Variants in BTBD7 observed in about 807,000 individuals in gnomAD.
BTBD7 encodes the protein BTB domain containing 7, also known as BTB/POZ domain-containing protein 7.
Under a neutral mutation model 99.9 loss-of-function variants are expected in BTBD7, and 38 were observed. That is an observed-to-expected ratio of 0.38 (90% CI 0.29 to 0.50). The LOEUF is 0.50. Among genes scored for constraint, BTBD7 ranks in the 20% least tolerant of loss-of-function variants. The pLI is 0.93. For missense variants in BTBD7, 1,170 were observed against 1,394.6 expected, an observed-to-expected ratio of 0.84 and a Z score of 2.57; for synonymous variants, 520 against 511.4, an observed-to-expected ratio of 1.02 and a Z score of -0.23.
rs779010491 is a variant in BTBD7, at chr14:93,293,934, T to C, written c.1086A>G (p.Pro362=). 6.2e-7 allele frequency: 1 copy of C among 1,613,764 alleles called. No homozygotes were observed. The highest frequency in any genetic ancestry group is 8.5e-7 in the Non-Finnish European group (1 of 1,179,862). ...SEVQALVAGK[P]NMTRAEEAME... is the part of the protein sequence containing the mutation. ...TGGCTTCTTCTGCCCTGGTCATGTTTGGCTTCCCTGCGACGAGAGCCTGAA... is the reference window on the plus strand; with the variant it reads ...TGGCTTCTTCTGCCCTGGTCATGTTCGGCTTCCCTGCGACGAGAGCCTGAA... Residue 362 remains proline (P), a synonymous_variant, in exon 3 of 11, where the codon CCA becomes CCG. Transcript: ENST00000334746.
intron 1 of BTBD7, among the ~76,000 whole-genome samples, chr14:93,326,144 A>C (rs188015721): frequency 1.3e-3 from 195 of 152,288 alleles, no homozygotes; most frequent in African/African-American, 4.3e-3. Context: ...ATAAATCTGG[A>C]ATCAGCAGAC....
In BTBD7 at chr14:93,238,541, G is replaced by T. The variant is rs1262505791; in HGVS notation, c.*3732C>A. On this transcript the variant is annotated 3_prime_UTR_variant, in exon 11 of 11. Coordinates refer to ENST00000334746, the MANE Select transcript of BTBD7 (RefSeq NM_001002860.4). The stretch of plus-strand genomic sequence containing the variant: ...GAAAGCTGAAAGTCAACCGAACAAT[G>T]AAAAAAAGTCAAAGAAGCATTTCCC... 1 of 152,358 alleles carries T rather than the reference G, an allele frequency of 6.6e-6. No individual in the cohort carries two copies. Among genetic ancestry groups the T allele is most frequent in the African/African-American group, 2.4e-5 (1 of 41,398 alleles). The allele number at this position is 152,358 out of a possible 1,614,324, so 9.4% of individuals were successfully genotyped here.
chr14:93,249,600 T>C (rs927275717), intron 8 of BTBD7, among the ~76,000 whole-genome samples: 2 of 152,216 alleles, frequency 1.3e-5, no homozygotes, highest in African/African-American at 4.8e-5. Flanking sequence ...TCTGCCTTTG[T>C]AAATAAAGTT....
chr14:93,242,401 G>C lies in BTBD7; in HGVS notation c.3271C>G (p.Leu1091Val), dbSNP rs1372791277. The change falls in exon 11 of 11, where the codon CTG (leucine) becomes GTG (valine). Residue 1091 changes from leucine (L) to valine (V), a missense_variant. Physicochemically the swap from Leu to Val is conservative, Grantham distance 32. This residue lies in a region of BTBD7 where 495 missense variants were observed against 525.9 expected (regional missense o/e 0.94). Transcript: ENST00000334746. ...EAPEERSGRRLADSESLGHGA... is the reference protein window; with the variant it reads ...EAPEERSGRRVADSESLGHGA... ...TGGCCCAGGGACTCACTGTCTGCCA[G>C]TCTTCTACCGGATCTCTCTTCGGGA... The C allele has an allele frequency of 3.1e-6, 5 of 1,614,110 alleles. No homozygotes were observed. Among genetic ancestry groups the C allele is most frequent in the Non-Finnish European group, 4.2e-6 (5 of 1,180,048 alleles).
intron 3 of BTBD7, among the ~76,000 whole-genome samples, chr14:93,280,283 C>G (rs988016050): frequency 6.6e-6 from 1 of 152,140 alleles, no homozygotes; most frequent in Admixed American, 6.5e-5. Flanking sequence ...CATGTACTTT[C>G]CAGAGAAAAT....
At position 93,294,605 on chromosome 14, in the gene BTBD7, T is replaced by C. The variant is rs1409485845; in HGVS notation, c.415A>G (p.Lys139Glu). 1 of 1,613,996 alleles carries C rather than the reference T, an allele frequency of 6.2e-7. No homozygotes were observed. The highest frequency in any genetic ancestry group is 8.5e-7 in the Non-Finnish European group (1 of 1,180,054). The change falls in exon 3 of 11, where the codon AAG (lysine) becomes GAG (glutamate). Residue 139 changes from lysine to glutamate, a missense_variant. Transcript: ENST00000334746. ...ATTAAGTCTACATCAGTACAATACT[T>C]GTACTCATAAAGATCAGCCATATCT... ...QKDMADLYEYKYCTDVDLIFQ... is the reference protein window; with the variant it reads ...QKDMADLYEYEYCTDVDLIFQ...
Position 93,257,099 on chromosome 14 carries a change from A to G in BTBD7, c.1608+96T>C, listed in dbSNP as rs964763122. 2.0e-5 allele frequency: 25 copies of G among 1,246,354 alleles called. No homozygotes were observed. In the African/African-American group the frequency reaches 3.4e-4, roughly 17 times the overall value. 77.2% of individuals were successfully genotyped at this position (1,246,354 alleles called of 1,614,324 possible). A position where few individuals can be genotyped will look rare whatever the true frequency, so the allele number is the denominator to read the frequency against. The stretch of plus-strand genomic sequence containing the variant: ...GTCCTCACAGAATTACAGCTTCACA[A>G]TACTCTATTAGTAGCAGAAATTATT... On this transcript the variant is annotated intron_variant, in intron 6 of 10. Transcript: ENST00000334746.
chr14:93,292,472 AAACT>A (rs2052869847), intron 3 of BTBD7, among the ~76,000 whole-genome samples: 1 of 152,200 alleles, frequency 6.6e-6, no homozygotes, highest in South Asian at 2.1e-4. Context: ...TTCTTATTCT[AAACT>A]AATAAACTGT....
intron 1 of BTBD7, among the ~76,000 whole-genome samples, chr14:93,298,107 A>G (rs1273284546): frequency 6.6e-6 from 1 of 152,190 alleles, no homozygotes; most frequent in African/African-American, 2.4e-5. Context: ...GTAACATAGC[A>G]GAGTATGCTT....
At chr14:93,300,146 T>G (rs2052976446) in intron 1 of BTBD7, among the ~76,000 whole-genome samples, 1 of 152,184 alleles carries the variant, frequency 6.6e-6, no homozygotes, top group Non-Finnish European at 1.5e-5. Context: ...TGGGCCTCAG[T>G]TCCTGTATCT....
intron 1 of BTBD7, among the ~76,000 whole-genome samples, chr14:93,329,137 G>A (rs947973446): frequency 6.6e-6 from 1 of 151,980 alleles, no homozygotes; most frequent in Non-Finnish European, 1.5e-5. Context: ...TGTCTGATAA[G>A]GGATTGATAT....
intron 1 of BTBD7, among the ~76,000 whole-genome samples, chr14:93,314,238 A>C (rs2053173843): frequency 6.6e-6 from 1 of 152,218 alleles, no homozygotes; most frequent in Non-Finnish European, 1.5e-5. Context: ...GTAGATTATC[A>C]TTCTTAAACA....
At chr14:93,306,469 G>A (rs1480754181) in intron 1 of BTBD7, among the ~76,000 whole-genome samples, 1 of 148,182 alleles carries the variant, frequency 6.7e-6, no homozygotes, top group African/African-American at 2.5e-5. Context: ...ACGTTATCAA[G>A]GAAGAAACAA....
intron 5 of BTBD7, among the ~76,000 whole-genome samples, chr14:93,260,060 A>G (rs535745960): frequency 1.3e-4 from 20 of 152,348 alleles, no homozygotes; most frequent in African/African-American, 4.1e-4. Context: ...ACAGAAAAAA[A>G]ATTGGAGAAA....
At position 93,251,563 on chromosome 14, in the gene BTBD7, C is replaced by T; in HGVS notation, c.1842G>A (p.Met614Ile). Residue 614 changes from methionine to isoleucine, a missense_variant, in exon 8 of 11, where the codon ATG becomes ATA. Physicochemically the swap from Met to Ile is conservative, Grantham distance 10. Around this residue, in one of 4 missense-constraint regions of BTBD7, gnomAD observed 309 missense variants for 342.0 expected, o/e 0.90. Transcript: ENST00000334746. Reference protein sequence around the residue: ...RMSNVPDTLYMVNNAVPQCCH... With the variant: ...RMSNVPDTLYIVNNAVPQCCH... ...AACACTGTGGCACGGCATTATTGAC[C>T]ATGTAGAGCGTGTCTGGCACATTGG... 1 of 1,613,988 alleles carries T rather than the reference C, an allele frequency of 6.2e-7. No homozygotes were observed. The highest frequency in any genetic ancestry group is 8.5e-7 in the Non-Finnish European group (1 of 1,179,924).
intron 1 of BTBD7, among the ~76,000 whole-genome samples, chr14:93,299,761 C>G (rs2139779177): frequency 6.6e-6 from 1 of 152,236 alleles, no homozygotes; most frequent in South Asian, 2.1e-4. Flanking sequence ...CCCTAACCCA[C>G]CCCCTTACCC....
chr14:93,331,200 T>C (rs1407712252), intron 1 of BTBD7, among the ~76,000 whole-genome samples: 1 of 152,026 alleles, frequency 6.6e-6, no homozygotes, highest in Non-Finnish European at 1.5e-5. Context: ...CAAAACCCTA[T>C]GGATAGGGGT....
intron 3 of BTBD7, among the ~76,000 whole-genome samples, chr14:93,285,494 T>C (rs144843782): frequency 0.012 from 1,822 of 152,250 alleles, 21 homozygotes; most frequent in Non-Finnish European, 0.018. Context: ...AAATCTGCAG[T>C]TTGAAGTCTA....
At chr14:93,313,651 G>T (rs2053164042) in intron 1 of BTBD7, among the ~76,000 whole-genome samples, 1 of 150,488 alleles carries the variant, frequency 6.6e-6, no homozygotes, top group African/African-American at 2.5e-5. Flanking sequence ...GAAAGTATCT[G>T]AATTTTTGAC....
Sources: allele counts gnomAD v4.1 joint callset (sites outside exome capture counted in the v4.1 genomes callset), GRCh38; gene constraint gnomAD v4.1.1; regional missense constraint gnomAD v4.1.1; transcripts MANE v1.5; gene names NCBI Gene and HGNC (gene_info 2026-07-23, HGNC 2026-07-21).